VIRMA: variants seen among roughly 807,000 people sequenced by gnomAD.
VIRMA encodes vir like m6A methyltransferase associated, also known as protein virilizer homolog.
Under a neutral mutation model 182.4 loss-of-function variants are expected in VIRMA, and 65 were observed. The observed-to-expected ratio is 0.36, with a 90% confidence interval of 0.29 to 0.44. The LOEUF (loss-of-function observed/expected upper bound fraction) is 0.44. VIRMA is among the 20% of genes least tolerant of loss of function. The pLI is 1.00. For synonymous variants in VIRMA, 709 were observed against 743.1 expected (o/e 0.95, Z 0.75); for missense variants, 1,752 against 2,158.1 (o/e 0.81, Z 3.73).
In VIRMA at chr8:94,517,941, C is replaced by T; in HGVS notation, c.2515G>A (p.Asp839Asn). 3.7e-6 allele frequency: 6 copies of T among 1,602,452 alleles called. No individual in the cohort carries two copies. Among genetic ancestry groups the T allele is most frequent in the Non-Finnish European group, 5.1e-6 (6 of 1,176,076 alleles). Residue 839 changes from aspartate to asparagine, a missense_variant and splice_region_variant, in exon 10 of 24, where the codon GAT becomes AAT. By Grantham distance (23) the Asp-to-Asn change is conservative. This residue lies in a region of VIRMA where 777 missense variants were observed against 920.6 expected (regional missense o/e 0.84). Transcript: ENST00000297591. ...MEYYSKEALGDSKSKKSVAYN... is the reference protein window; with the variant it reads ...MEYYSKEALGNSKSKKSVAYN... Reference sequence around the variant, plus strand: ...GCTACTGACTTCTTAGATTTGGAATCACTGAAACAAAATAAGGTTTTTAAG... The same window carrying T: ...GCTACTGACTTCTTAGATTTGGAATTACTGAAACAAAATAAGGTTTTTAAG...
chr8:94,528,231 C>CAAAAAAAA (rs11368037), intron 7 of VIRMA, among the ~76,000 whole-genome samples: 2 of 91,814 alleles, frequency 2.2e-5, no homozygotes, highest in Admixed American at 1.1e-4. Flanking sequence ...GACTTTGTCT[C>CAAAAAAAA]AAAAAAAAAA....
Position 94,491,887 on chromosome 8 carries a change from G to A in VIRMA, c.4831C>T (p.Pro1611Ser), listed in dbSNP as rs1424342471. 1 of 1,577,686 alleles carries A rather than the reference G, an allele frequency of 6.3e-7. No individual in the cohort carries two copies. Among genetic ancestry groups the A allele is most frequent in the Non-Finnish European group, 8.6e-7 (1 of 1,160,716 alleles). Reference sequence around the variant, plus strand: ...GGCACAACATGAGCTCTTTTGGCAGGTTCAATGTATTCAGATTTTCCACTA... The same window carrying A: ...GGCACAACATGAGCTCTTTTGGCAGATTCAATGTATTCAGATTTTCCACTA... ...TSSGKSEYIE[P>S]AKRAHVVPPP... The change falls in exon 22 of 24, where the codon CCT becomes TCT. Residue 1611 changes from proline (P) to serine (S), a missense_variant. Physicochemically the swap from Pro to Ser is moderately conservative, Grantham distance 74 (BLOSUM62 -1). Transcript: ENST00000297591.
intron 16 of VIRMA, among the ~76,000 whole-genome samples, chr8:94,501,571 G>T (rs1322839366): frequency 6.6e-6 from 1 of 152,172 alleles, no homozygotes; most frequent in African/African-American, 2.4e-5. Context: ...AGCAAATATA[G>T]ATAATGAGAG....
chr8:94,532,972 AAATT>A (rs1815222540), intron 5 of VIRMA, among the ~76,000 whole-genome samples: 1 of 152,160 alleles, frequency 6.6e-6, no homozygotes, highest in Admixed American at 6.5e-5. Flanking sequence ...AAAAACAAAA[AAATT>A]AAATTAAAAA....
In VIRMA at chr8:94,514,960, G is replaced by A; in HGVS notation, c.2669-9C>T. 1 of 1,411,502 alleles carries A rather than the reference G, an allele frequency of 7.1e-7. No individual in the cohort carries two copies. The highest frequency in any genetic ancestry group is 9.7e-7 in the Non-Finnish European group (1 of 1,029,854). 87.4% of individuals were successfully genotyped at this position (1,411,502 alleles called of 1,614,324 possible). ...AAGCCACTTGCCAAGTTCTTAAAAA[G>A]AAAAATAATTTATAATATTTAAAAA... On this transcript the variant is annotated splice_polypyrimidine_tract_variant and intron_variant, in intron 10 of 23. Coordinates refer to ENST00000297591, the MANE Select transcript of VIRMA (RefSeq NM_015496.5).
intron 5 of VIRMA, among the ~76,000 whole-genome samples, chr8:94,531,314 G>A (rs1167206278): frequency 6.6e-6 from 1 of 152,128 alleles, no homozygotes; most frequent in Non-Finnish European, 1.5e-5. Flanking sequence ...ACAGATTTGT[G>A]TATACACAGG....
At chr8:94,488,963 C>A in intron 23 of VIRMA, 103 bp from the exon 24 acceptor site, 1 of 1,327,146 alleles carries the variant, frequency 7.5e-7, no homozygotes, top group Non-Finnish European at 1.0e-6. Context: ...TTACTCTATT[C>A]TCTTTTAAAG....
chr8:94,519,307 A>G lies in VIRMA; in HGVS notation c.2191T>C (p.Leu731=), dbSNP rs780461717. The part of the protein sequence containing the change: ...FMSEYEATNL[L]IRALCHFYDQ... ...TAAAAGTGACACAGAGCTCGGATCA[A>G]TAAATTTGTTGCTTCATATTCCGAC... The change falls in exon 9 of 24, where the codon TTG becomes CTG. Residue 731 remains leucine, a synonymous_variant. Coordinates refer to ENST00000297591, the MANE Select transcript of VIRMA (RefSeq NM_015496.5). The G allele has an allele frequency of 6.2e-7, 1 of 1,612,970 alleles. No individual in the cohort carries two copies. The highest frequency in any genetic ancestry group is 1.1e-5 in the South Asian group (1 of 90,732).
intron 10 of VIRMA, among the ~76,000 whole-genome samples, chr8:94,517,522 C>G (rs991699019): frequency 2.0e-5 from 3 of 152,184 alleles, no homozygotes; most frequent in Non-Finnish European, 4.4e-5. Flanking sequence ...TCTTTAAACT[C>G]TTCCATTTTG....
Position 94,511,618 on chromosome 8 carries a change from G to C in VIRMA, c.2957C>G (p.Pro986Arg). The change falls in exon 13 of 24, where the codon CCT becomes CGT. Residue 986 changes from proline (P) to arginine (R), a missense_variant. Pro to Arg is a moderately radical substitution (Grantham distance 103). Coordinates refer to ENST00000297591, the MANE Select transcript of VIRMA (RefSeq NM_015496.5). ...CCCCATGTTGACATGGAGCCTCCAA[G>C]GCTGAGTCAGAATACTGTTCAATTT... ...LQKLNSILTQPWRLHVNMGTT... is the reference protein window; with the variant it reads ...LQKLNSILTQRWRLHVNMGTT... 3 of 1,614,096 alleles carry C rather than the reference G, an allele frequency of 1.9e-6. No individual in the cohort carries two copies. The highest frequency in any genetic ancestry group is 2.7e-5 in the African/African-American group (2 of 75,018).
At chr8:94,510,691 T>C (rs774843294) in intron 13 of VIRMA, 39 bp from the exon 14 acceptor site, 1 of 1,429,828 alleles carries the variant, frequency 7.0e-7, no homozygotes, top group Non-Finnish European at 9.8e-7. Flanking sequence ...GTAGATTTTT[T>C]AATATTTATT....
In VIRMA at chr8:94,506,858, A is replaced by C. The variant is rs1468494866; in HGVS notation, c.3880-141T>G. The C allele has an allele frequency of 4.8e-5, 27 of 561,726 alleles. No homozygotes were observed. The Admixed American group carries it at 8.4e-4, about 18-fold the overall frequency. 34.8% of individuals were successfully genotyped at this position (561,726 alleles called of 1,614,324 possible). A position where few individuals can be genotyped will look rare whatever the true frequency, so the allele number is the denominator to read the frequency against. Reference sequence around the variant, plus strand: ...GCTACTGTCCCATCCCAAACATATAAACACATTAAGAATAATGAAATTACT... The same window carrying C: ...GCTACTGTCCCATCCCAAACATATACACACATTAAGAATAATGAAATTACT... On this transcript the variant is annotated intron_variant, in intron 15 of 23. Coordinates refer to ENST00000297591, the MANE Select transcript of VIRMA (RefSeq NM_015496.5).
intron 16 of VIRMA, among the ~76,000 whole-genome samples, chr8:94,506,189 A>C (rs1365075869): frequency 6.6e-6 from 1 of 152,190 alleles, no homozygotes. Context: ...ACTTCTGAGG[A>C]TACAACAACG....
chr8:94,502,752 T>C (rs1337276393), intron 16 of VIRMA, among the ~76,000 whole-genome samples: 1 of 152,104 alleles, frequency 6.6e-6, no homozygotes, highest in East Asian at 1.9e-4. Context: ...CTTGTAGTAC[T>C]AGCAATAGGA....
In VIRMA at chr8:94,496,392, T is replaced by C; in HGVS notation, c.4319A>G (p.Gln1440Arg). The change falls in exon 18 of 24, where the codon CAG (glutamine) becomes CGG (arginine). Residue 1440 changes from glutamine (Q) to arginine (R), a missense_variant. Transcript: ENST00000297591. The part of the protein sequence containing the change: ...TMSINAAELK[Q>R]LLQSKEESPE... ...ACTTTCTTCTTTGCTTTGTAGAAGC[T>C]GTTTTAACTCTGCAGCATTAATACT... 1 of 1,613,762 alleles carries C rather than the reference T, an allele frequency of 6.2e-7. No homozygotes were observed. Among genetic ancestry groups the C allele is most frequent in the Non-Finnish European group, 8.5e-7 (1 of 1,179,758 alleles).
intron 1 of VIRMA, among the ~76,000 whole-genome samples, chr8:94,547,869 CA>C (rs1267941832): frequency 1.4e-3 from 154 of 112,958 alleles, no homozygotes; most frequent in Middle Eastern, 4.1e-3. Context: ...CCATCTCTAC[CA>C]AAAAAAAAAA....
Position 94,509,845 on chromosome 8 carries a change from G to C in VIRMA, c.3722C>G (p.Ala1241Gly). 6.2e-7 allele frequency: 1 copy of C among 1,613,692 alleles called. No individual in the cohort carries two copies. The highest frequency in any genetic ancestry group is 1.3e-5 in the African/African-American group (1 of 75,028). Residue 1241 changes from alanine (A) to glycine (G), a missense_variant, in exon 15 of 24, where the codon GCT becomes GGT. By Grantham distance (60) the Ala-to-Gly change is moderately conservative (BLOSUM62 0). Transcript: ENST00000297591. Reference sequence around the variant, plus strand: ...AGTTCCATTAATTAGATGCAAAATAGCTAATTTACAAGCTTTGTGTGAAGC... The same window carrying C: ...AGTTCCATTAATTAGATGCAAAATACCTAATTTACAAGCTTTGTGTGAAGC... Reference protein sequence around the residue: ...ALASHKACKLAILHLINGTIK... With the variant: ...ALASHKACKLGILHLINGTIK...
chr8:94,492,901 T>C, intron 20 of VIRMA, 83 bp from the exon 21 acceptor site: 3 of 1,104,892 alleles, frequency 2.7e-6, no homozygotes, highest in Non-Finnish European at 2.6e-6. Flanking sequence ...TTATTACCTA[T>C]AAATTATATT....
chr8:94,502,062 A>G (rs906471344), intron 16 of VIRMA, among the ~76,000 whole-genome samples: 11 of 152,236 alleles, frequency 7.2e-5, no homozygotes, highest in African/African-American at 2.6e-4. Flanking sequence ...GTTGCTGTCT[A>G]TCTTATTTCT....
Sources: allele counts gnomAD v4.1 joint callset (sites outside exome capture counted in the v4.1 genomes callset), GRCh38; gene constraint gnomAD v4.1.1; regional missense constraint gnomAD v4.1.1; transcripts MANE v1.5; gene names NCBI Gene and HGNC (gene_info 2026-07-23, HGNC 2026-07-21).